EPHB1: variants seen among roughly 807,000 people sequenced by gnomAD.
EPHB1 encodes the protein EPH receptor B1, also known as ephrin type-B receptor 1.
Under a neutral mutation model 94.4 loss-of-function variants are expected in EPHB1, and 30 were observed. The ratio of observed to expected loss-of-function variants is 0.32; its 90% CI spans 0.24 to 0.43. The LOEUF (loss-of-function observed/expected upper bound fraction) is 0.43. EPHB1 is among the 20% of genes least tolerant of loss of function. The pLI is 1.00. For missense variants in EPHB1, 1,055 were observed against 1,308.3 expected, an observed-to-expected ratio of 0.81 and a Z score of 2.99; for synonymous variants, 522 against 489.1, an observed-to-expected ratio of 1.07 and a Z score of -0.89.
chr3:134,806,735 T>C (rs1194743257), intron 1 of EPHB1, among the ~76,000 whole-genome samples: 1 of 152,182 alleles, frequency 6.6e-6, no homozygotes, highest in Non-Finnish European at 1.5e-5. Flanking sequence ...ATAACAAATA[T>C]TGTTAATCTC....
intron 3 of EPHB1, among the ~76,000 whole-genome samples, chr3:135,077,661 G>A (rs2107785265): frequency 6.6e-6 from 1 of 152,320 alleles, no homozygotes; most frequent in South Asian, 2.1e-4. Flanking sequence ...CATGGGTGGA[G>A]GGGAAACATA....
intron 1 of EPHB1, among the ~76,000 whole-genome samples, chr3:134,809,209 GACT>G (rs2036121738): frequency 6.6e-6 from 1 of 152,134 alleles, no homozygotes; most frequent in Non-Finnish European, 1.5e-5. Flanking sequence ...GTCATTTGCA[GACT>G]ACTTTTTTCA....
intron 1 of EPHB1, among the ~76,000 whole-genome samples, chr3:134,817,195 A>G (rs1578109618): frequency 6.6e-6 from 1 of 152,216 alleles, no homozygotes; most frequent in Non-Finnish European, 1.5e-5. Context: ...GTAAATAAAA[A>G]TAAAGTTTGA....
intron 6 of EPHB1, among the ~76,000 whole-genome samples, chr3:135,159,545 C>A (rs1350980171): frequency 1.3e-5 from 2 of 152,186 alleles, no homozygotes; most frequent in Admixed American, 1.3e-4. Context: ...AGTTTCAGAT[C>A]TCAGATCTCC....
intron 3 of EPHB1, among the ~76,000 whole-genome samples, chr3:134,957,514 C>A (rs956285246): frequency 2.0e-5 from 3 of 152,152 alleles, no homozygotes; most frequent in Non-Finnish European, 4.4e-5. Flanking sequence ...AGCATCACTA[C>A]CCCTTGAATA....
At chr3:135,141,189 G>GC (rs1940815694) in intron 5 of EPHB1, among the ~76,000 whole-genome samples, 1 of 137,160 alleles carries the variant, frequency 7.3e-6, no homozygotes, top group East Asian at 2.2e-4. Context: ...AAGAGCAAAC[G>GC]CTTTCACCAT....
intron 1 of EPHB1, among the ~76,000 whole-genome samples, chr3:134,861,959 T>C (rs969096855): frequency 6.6e-6 from 1 of 152,140 alleles, no homozygotes; most frequent in African/African-American, 2.4e-5. Context: ...AGCTTGGGTA[T>C]TCATTTTGGA....
intron 3 of EPHB1, among the ~76,000 whole-genome samples, chr3:135,102,982 G>A (rs1939086622): frequency 6.6e-6 from 1 of 152,150 alleles, no homozygotes; most frequent in African/African-American, 2.4e-5. Flanking sequence ...GTTGGGGGGT[G>A]GGGGCAAGGG....
chr3:135,095,580 C>T (rs747737670), intron 3 of EPHB1, among the ~76,000 whole-genome samples: 6 of 152,144 alleles, frequency 3.9e-5, no homozygotes, highest in East Asian at 1.9e-4. Context: ...AAGTGGCTTC[C>T]GTGGACTTCA....
At chr3:134,823,099 G>C (rs919801813) in intron 1 of EPHB1, among the ~76,000 whole-genome samples, 2 of 152,168 alleles carry the variant, frequency 1.3e-5, no homozygotes, top group Non-Finnish European at 2.9e-5. Context: ...CCAGACCCTG[G>C]TTTAAAAGCT....
At chr3:135,198,147 A>G (rs2107711949) in intron 11 of EPHB1, among the ~76,000 whole-genome samples, 1 of 152,268 alleles carries the variant, frequency 6.6e-6, no homozygotes, top group East Asian at 1.9e-4. Flanking sequence ...TCTCCCTGCA[A>G]AGCTTATGCA....
At chr3:135,022,766 A>C (rs186628283) in intron 3 of EPHB1, among the ~76,000 whole-genome samples, 35 of 152,310 alleles carry the variant, frequency 2.3e-4, no homozygotes, top group African/African-American at 8.4e-4. Context: ...TTATAACAAT[A>C]ATGTAGAGAA....
chr3:135,167,754 A>T (rs1941690190), intron 9 of EPHB1, among the ~76,000 whole-genome samples: 1 of 152,166 alleles, frequency 6.6e-6, no homozygotes, highest in South Asian at 2.1e-4. Context: ...GTTTCTAAAT[A>T]ATTCCTTTTG....
chr3:134,945,898 C>T (rs919067770), intron 2 of EPHB1, among the ~76,000 whole-genome samples: 1 of 152,160 alleles, frequency 6.6e-6, no homozygotes, highest in Non-Finnish European at 1.5e-5. Flanking sequence ...GGAAATTGGG[C>T]ATCTACAGTG....
chr3:134,832,693 A>G (rs1279731953), intron 1 of EPHB1, among the ~76,000 whole-genome samples: 2 of 152,254 alleles, frequency 1.3e-5, no homozygotes, highest in African/African-American at 4.8e-5. Context: ...CATATGGACA[A>G]TGAAGTTGAT....
chr3:135,249,199 G>C (rs1559891282), intron 14 of EPHB1, 137 bp from the exon 15 acceptor site: 1 of 1,019,910 alleles, frequency 9.8e-7, no homozygotes, highest in African/African-American at 1.6e-5. Context: ...AAGAAGAAAG[G>C]TTCAGCCCAG....
chr3:135,096,754 G>GCTCCA (rs1483614277), intron 3 of EPHB1, among the ~76,000 whole-genome samples: 2 of 152,116 alleles, frequency 1.3e-5, no homozygotes, highest in Non-Finnish European at 2.9e-5. Context: ...ATTTATGAGG[G>GCTCCA]CTCCACCCTC....
intron 12 of EPHB1, among the ~76,000 whole-genome samples, chr3:135,228,971 G>C (rs571231237): frequency 1.1e-4 from 17 of 152,172 alleles, no homozygotes; most frequent in Admixed American, 1.1e-3. Context: ...TTTTTACCAG[G>C]TGTGGACCCC....
chr3:135,122,164 C>T (rs905931511), intron 4 of EPHB1, among the ~76,000 whole-genome samples: 4 of 152,150 alleles, frequency 2.6e-5, no homozygotes, highest in Non-Finnish European at 5.9e-5. Flanking sequence ...AACCCACATA[C>T]ACAGCACAGC....
Sources: gnomAD v4.1 joint callset for allele counts (sites outside exome capture counted in the v4.1 genomes callset) on GRCh38, gnomAD v4.1.1 for gene constraint, MANE v1.5 for transcripts, NCBI Gene and HGNC (gene_info 2026-07-23, HGNC 2026-07-21) for gene names.